TBC1D9B: variants seen among roughly 807,000 people sequenced by gnomAD.
The protein encoded by TBC1D9B is TBC1 domain family member 9B.
A neutral mutation model predicts 121.1 loss-of-function variants in TBC1D9B; 87 were observed. The ratio of observed to expected loss-of-function variants is 0.72; its 90% CI spans 0.60 to 0.86. TBC1D9B has a LOEUF of 0.86. Ranked by LOEUF, TBC1D9B falls within the 40% of genes least tolerant of loss-of-function variation. The pLI is 0.00. For synonymous variants in TBC1D9B, 668 were observed against 670.1 expected (o/e 1.00, Z 0.05); for missense variants, 1,540 against 1,628.6 (o/e 0.95, Z 0.94).
At chr5:179,901,217 C>A (rs1035523379) in intron 2 of TBC1D9B, among the ~76,000 whole-genome samples, 5 of 152,178 alleles carry the variant, frequency 3.3e-5, no homozygotes, top group Non-Finnish European at 5.9e-5. Flanking sequence ...CCCCTTAAGT[C>A]ATCCATAATT....
At chr5:179,894,711 C>T in intron 3 of TBC1D9B, 97 bp from the exon 4 acceptor site, 3 of 1,292,330 alleles carry the variant, frequency 2.3e-6, no homozygotes, top group Non-Finnish European at 3.3e-6. Context: ...ACTCATGGAC[C>T]TTGGTCTAAG....
Position 179,904,350 on chromosome 5 carries a change from G to T in TBC1D9B, c.229+352C>A, listed in dbSNP as rs1385969060. Among the ~76,000 whole-genome samples, 1 of 150,692 alleles carries T rather than the reference G, an allele frequency of 6.6e-6. No individual in the cohort carries two copies. The highest frequency in any genetic ancestry group is 1.5e-5 in the Non-Finnish European group (1 of 67,844). Reference sequence around the variant, plus strand: ...CGCCATTCTCCTGCCTCAGCCTCCCGAGTAGCTGGGACTACAGGCCTCCGC... The same window carrying T: ...CGCCATTCTCCTGCCTCAGCCTCCCTAGTAGCTGGGACTACAGGCCTCCGC... On this transcript the variant is annotated intron_variant, in intron 2 of 20. Coordinates refer to ENST00000355235, the MANE Select transcript of TBC1D9B (RefSeq NM_015043.4). This position sits in a 1 kb window ranked among gnomAD's most constrained non-coding sequence, Gnocchi z 4.2.
At chr5:179,886,267 G>C (rs988701050) in intron 7 of TBC1D9B, among the ~76,000 whole-genome samples, 1 of 152,194 alleles carries the variant, frequency 6.6e-6, no homozygotes, top group African/African-American at 2.4e-5. Context: ...TAAGTGAACA[G>C]GCACTCTGTC....
rs186948394 is a variant in TBC1D9B at position 179,901,461 on chromosome 5, G to A, written c.230-2154C>T. On this transcript the variant is annotated intron_variant, in intron 2 of 20. Transcript: ENST00000355235. ...AAACAGAAGAAATCTCCTCCTCGCTGCCTGTGTGGATGTGTCAGCACTTTA... is the reference window on the plus strand; with the variant it reads ...AAACAGAAGAAATCTCCTCCTCGCTACCTGTGTGGATGTGTCAGCACTTTA... Among the ~76,000 whole-genome samples the A allele has an allele frequency of 1.4e-3, 212 of 152,280 alleles. 1 individual carries two copies. Among genetic ancestry groups the A allele is most frequent in the Admixed American group, 6.7e-3 (102 of 15,296 alleles).
intron 3 of TBC1D9B, among the ~76,000 whole-genome samples, chr5:179,897,107 C>T (rs1288497784): frequency 6.6e-6 from 1 of 151,666 alleles, no homozygotes; most frequent in Non-Finnish European, 1.5e-5. Flanking sequence ...TGGGGTTTCA[C>T]TGTGTTAGCC....
intron 1 of TBC1D9B, among the ~76,000 whole-genome samples, chr5:179,906,466 T>C (rs1761319204): frequency 6.6e-6 from 1 of 152,284 alleles, no homozygotes; most frequent in East Asian, 1.9e-4. Context: ...ACAGCACAAG[T>C]GTTTCAAGTA....
rs781000029 is a variant in TBC1D9B at position 179,878,536 on chromosome 5, G to A, written c.1568-13C>T. The A allele has an allele frequency of 1.5e-5, 24 of 1,585,726 alleles. No individual in the cohort carries two copies. Among genetic ancestry groups the A allele is most frequent in the South Asian group, 4.6e-5 (4 of 87,474 alleles). On this transcript the variant is annotated splice_polypyrimidine_tract_variant and intron_variant, in intron 9 of 20. Transcript: ENST00000355235. ...TCATTCCAGGCCCCTGGGGAGACACGGGTGCCAGCTGTCTCTGTCCTTCTT... is the reference window on the plus strand; with the variant it reads ...TCATTCCAGGCCCCTGGGGAGACACAGGTGCCAGCTGTCTCTGTCCTTCTT...
At chr5:179,893,177 T>C in intron 5 of TBC1D9B, 32 bp downstream of exon 5, 2 of 1,571,598 alleles carry the variant, frequency 1.3e-6, no homozygotes, top group East Asian at 2.3e-5. Context: ...CTGGCTCACA[T>C]GAGCCCACCC....
Position 179,879,454 on chromosome 5 carries a change from G to A in TBC1D9B, c.1416+174C>T. On this transcript the variant is annotated intron_variant, in intron 8 of 20. Coordinates refer to ENST00000355235, the MANE Select transcript of TBC1D9B (RefSeq NM_015043.4). ...ACAGCACACTGAGCAGGTCAGCGGA[G>A]CCCCCCAGAGAGTGCCTGCTCCGTC... The A allele has an allele frequency of 6.3e-6, 7 of 1,110,318 alleles. No individual in the cohort carries two copies. The South Asian group carries it at 1.1e-4, about 17-fold the overall frequency. The allele number at this position is 1,110,318 out of a possible 1,614,324, so 68.8% of individuals were successfully genotyped here.
rs1760880439 is a variant in TBC1D9B at position 179,891,963 on chromosome 5, C to A, written c.837-377G>T. ...CTCAGATGGAGGGCCCCGGGCAGCTCTTCCACCCTGGGCAGGCCTAACCCC... is the reference window on the plus strand; with the variant it reads ...CTCAGATGGAGGGCCCCGGGCAGCTATTCCACCCTGGGCAGGCCTAACCCC... On this transcript the variant is annotated intron_variant, in intron 5 of 20. Coordinates refer to ENST00000355235, the MANE Select transcript of TBC1D9B (RefSeq NM_015043.4). This position sits in a 1 kb window ranked among gnomAD's most constrained non-coding sequence, Gnocchi z 4.3. Among the ~76,000 whole-genome samples, 1 of 152,134 alleles carries A rather than the reference C, an allele frequency of 6.6e-6. No homozygotes were observed. Among genetic ancestry groups the A allele is most frequent in the Admixed American group, 6.5e-5 (1 of 15,280 alleles).
chr5:179,874,435 C>T lies in TBC1D9B; in HGVS notation c.2186+467G>A, dbSNP rs544141829. On this transcript the variant is annotated intron_variant, in intron 12 of 20. Coordinates refer to ENST00000355235, the MANE Select transcript of TBC1D9B (RefSeq NM_015043.4). The surrounding 1 kb of genome is among the most constrained non-coding windows in gnomAD (Gnocchi z 4.3). ...GGCTGGGATGACCCTGGACATTTGG[C>T]GTGACTAGTGGGACATCAGCTCATC... Among the ~76,000 whole-genome samples, 303 of 152,222 alleles carry T rather than the reference C, an allele frequency of 2.0e-3. No homozygotes were observed. The highest frequency in any genetic ancestry group is 6.8e-3 in the Middle Eastern group (2 of 294).
At chr5:179,901,308 T>C (rs1415463789) in intron 2 of TBC1D9B, among the ~76,000 whole-genome samples, 1 of 152,204 alleles carries the variant, frequency 6.6e-6, no homozygotes, top group African/African-American at 2.4e-5. Flanking sequence ...CAAGGCCTAG[T>C]TGGTAGGTAG....
chr5:179,879,439 G>A, intron 8 of TBC1D9B, 189 bp downstream of exon 8: 1 of 1,040,790 alleles, frequency 9.6e-7, no homozygotes, highest in Non-Finnish European at 1.4e-6. Flanking sequence ...ACAGCACACT[G>A]AGCAGGTCAG....
Position 179,870,480 on chromosome 5 carries a change from T to C in TBC1D9B, c.2500A>G (p.Ser834Gly). 1 of 1,610,104 alleles carries C rather than the reference T, an allele frequency of 6.2e-7. No individual in the cohort carries two copies. Among genetic ancestry groups the C allele is most frequent in the South Asian group, 1.1e-5 (1 of 91,054 alleles). ...YMVFKAKHLASQYWGCSRTMA... is the reference protein window; with the variant it reads ...YMVFKAKHLAGQYWGCSRTMA... The stretch of plus-strand genomic sequence containing the variant: ...GTGCGGCTGCACCCCCAGTACTGGC[T>C]AGCCAGGTGCTTGGCCTGTGGGACA... Residue 834 changes from serine to glycine, a missense_variant, in exon 16 of 21, where the codon AGC becomes GGC. Transcript: ENST00000355235.
At chr5:179,872,818 C>G (rs1760241493) in intron 14 of TBC1D9B, 74 bp downstream of exon 14, 1 of 1,463,768 alleles carries the variant, frequency 6.8e-7, no homozygotes, top group African/African-American at 1.4e-5. Context: ...GAGCCCTGTA[C>G]CCACCCTGCT....
intron 10 of TBC1D9B, among the ~76,000 whole-genome samples, chr5:179,877,838 T>C (rs779587970): frequency 6.6e-6 from 1 of 152,174 alleles, no homozygotes; most frequent in Non-Finnish European, 1.5e-5. Flanking sequence ...ATTTCACTTA[T>C]ATGAGACACA....
At chr5:179,869,514 G>A (rs976786465) in intron 17 of TBC1D9B, 12 of 653,382 alleles carry the variant, frequency 1.8e-5, no homozygotes, top group South Asian at 4.5e-5. Flanking sequence ...CTGCCTCCTC[G>A]GTGGGAGTTC....
Position 179,885,415 on chromosome 5 carries a change from A to T in TBC1D9B, c.1254+2688T>A, listed in dbSNP as rs1269408200. Among the ~76,000 whole-genome samples, 1 of 151,574 alleles carries T rather than the reference A, an allele frequency of 6.6e-6. No individual in the cohort carries two copies. The highest frequency in any genetic ancestry group is 1.5e-5 in the Non-Finnish European group (1 of 67,886). On this transcript the variant is annotated intron_variant, in intron 7 of 20. Transcript: ENST00000355235. This position sits in a 1 kb window ranked among gnomAD's most constrained non-coding sequence, Gnocchi z 4.5. ...GACCAGACTGGCCAACATGGCAAAA[A>T]CCCGTCTCTACTAAAAATACAAAAT... is the stretch of plus-strand genomic sequence containing the variant.
In TBC1D9B at chr5:179,906,319, G is replaced by T. The variant is rs543231750; in HGVS notation, c.118+1385C>A. On this transcript the variant is annotated intron_variant, in intron 1 of 20. Transcript: ENST00000355235. ...GTTCAAAGAAGGGTTCCCTTGGGGGGACCCTGGGAGCTCGGTCCCAGGGGA... is the reference window on the plus strand; with the variant it reads ...GTTCAAAGAAGGGTTCCCTTGGGGGTACCCTGGGAGCTCGGTCCCAGGGGA... 1.4e-4 allele frequency among the ~76,000 whole-genome samples: 21 copies of T among 152,258 alleles called. No individual in the cohort carries two copies. In the South Asian group the frequency reaches 3.9e-3, roughly 29 times the overall value.
Sources: allele counts gnomAD v4.1 joint callset (sites outside exome capture counted in the v4.1 genomes callset), GRCh38; gene constraint gnomAD v4.1.1; non-coding constraint Gnocchi (gnomAD v3.1); transcripts MANE v1.5; gene names NCBI Gene and HGNC (gene_info 2026-07-23, HGNC 2026-07-21).